Variants in SRP19 observed in about 807,000 individuals in gnomAD.
SRP19 encodes signal recognition particle 19 kDa protein.
In SRP19, 11 loss-of-function variants were observed where a neutral mutation model predicts 22.4. The ratio of observed to expected loss-of-function variants is 0.49; its 90% CI spans 0.31 to 0.81. SRP19 has a LOEUF of 0.81. SRP19 is among the 40% of genes least tolerant of loss of function. SRP19 has a pLI of 0.05. For missense variants in SRP19, 168 were observed against 175.9 expected, an observed-to-expected ratio of 0.96 and a Z score of 0.25; for synonymous variants, 61 against 57.6, an observed-to-expected ratio of 1.06 and a Z score of -0.27.
chr5:112,878,809 C>G, intron 4 of SRP19: 1 of 1,614,080 alleles, frequency 6.2e-7, no homozygotes, highest in Non-Finnish European at 8.5e-7. Flanking sequence ...TTTTCTTCAC[C>G]CAGTAAATTC....
chr5:112,879,150 C>G (rs540643946), intron 4 of SRP19, among the ~76,000 whole-genome samples: 1 of 152,206 alleles, frequency 6.6e-6, no homozygotes, highest in African/African-American at 2.4e-5. Context: ...GCAGAGATTC[C>G]TTAAGAGTAG....
At chr5:112,876,998 C>G (rs1245843273) in intron 4 of SRP19, 1 of 152,008 alleles carries the variant, frequency 6.6e-6, no homozygotes, top group Non-Finnish European at 1.5e-5. Flanking sequence ...GATTTTCATT[C>G]TGCCACCAAG....
chr5:112,890,524 C>T (rs1265964090), intron 4 of SRP19, among the ~76,000 whole-genome samples: 7 of 150,058 alleles, frequency 4.7e-5, no homozygotes, highest in Non-Finnish European at 8.8e-5. Flanking sequence ...CATGCAGGCA[C>T]GCACCATCAC....
chr5:112,897,160 TATC>T (rs1352903398), downstream of SRP19: 6 of 152,268 alleles, frequency 3.9e-5, no homozygotes, highest in East Asian at 1.2e-3. Flanking sequence ...CAGAATTATA[TATC>T]ATATGTGATC....
At chr5:112,874,811 G>A (rs1037062966) in intron 4 of SRP19, among the ~76,000 whole-genome samples, 1 of 144,590 alleles carries the variant, frequency 6.9e-6, no homozygotes, top group South Asian at 2.2e-4. Context: ...AGTTTCGCTC[G>A]TCTCCCAGGC....
downstream of SRP19, among the ~76,000 whole-genome samples, chr5:112,871,349 C>T (rs1449865194): frequency 1.3e-5 from 2 of 148,570 alleles, no homozygotes; most frequent in Non-Finnish European, 3.0e-5. Context: ...CTCTTTTTCA[C>T]CCAGGCTAAA....
At chr5:112,872,550 A>G, downstream of SRP19, among the ~76,000 whole-genome samples, 1 of 152,116 alleles carries the variant, frequency 6.6e-6, no homozygotes, top group East Asian at 1.9e-4. Flanking sequence ...GCTGGTCTCC[A>G]ACTCCTGGCC....
chr5:112,883,906 T>TAA (rs1338975787), intron 4 of SRP19, among the ~76,000 whole-genome samples: 1 of 152,132 alleles, frequency 6.6e-6, no homozygotes, highest in African/African-American at 2.4e-5. Flanking sequence ...CTCTGACCCA[T>TAA]GCCCAATCCA....
Position 112,867,458 on chromosome 5 carries a change from C to T in SRP19, c.356C>T (p.Thr119Ile), listed in dbSNP as rs1326724048. 1 of 1,613,274 alleles carries T rather than the reference C, an allele frequency of 6.2e-7. No homozygotes were observed. The highest frequency in any genetic ancestry group is 1.3e-5 in the African/African-American group (1 of 74,806). The change falls in exon 5 of 5, where the codon ACA (threonine) becomes ATA (isoleucine). Residue 119 changes from threonine (T) to isoleucine (I), a missense_variant. Coordinates refer to ENST00000505459, the MANE Select transcript of SRP19 (RefSeq NM_003135.3). ...AEMIPKLKTR[T>I]QKTGGADQSL... ...ATGATACCTAAACTAAAAACAAGGA[C>T]ACAAAAAACAGGAGGTGCTGACCAA...
intron 4 of SRP19, among the ~76,000 whole-genome samples, chr5:112,875,408 G>C (rs1218671500): frequency 6.7e-6 from 1 of 149,676 alleles, no homozygotes; most frequent in Non-Finnish European, 1.5e-5. Context: ...TGGCCCTGTC[G>C]CCCAGGCTGG....
At position 112,861,304 on chromosome 5, in the gene SRP19, C is replaced by T. The variant is rs1279392870; in HGVS notation, c.-73C>T. Reference sequence around the variant, plus strand: ...GGAAAAGCGGGCTGTCTCGGAAACTCAGAGCCGGGTTCCTCCCGGGTTTCT... The same window carrying T: ...GGAAAAGCGGGCTGTCTCGGAAACTTAGAGCCGGGTTCCTCCCGGGTTTCT... On this transcript the variant is annotated 5_prime_UTR_variant, in exon 1 of 5. Coordinates refer to ENST00000505459, the MANE Select transcript of SRP19 (RefSeq NM_003135.3). 1 of 1,579,496 alleles carries T rather than the reference C, an allele frequency of 6.3e-7. No homozygotes were observed. The highest frequency in any genetic ancestry group is 1.4e-5 in the African/African-American group (1 of 74,026).
At chr5:112,892,597 T>C (rs1768513191) in exon 5 of SRP19, 2 of 1,614,200 alleles carry the variant, frequency 1.2e-6, no homozygotes, top group Non-Finnish European at 8.5e-7. Context: ...TTGTGGTTTA[T>C]TTGAAATACA....
downstream of SRP19, chr5:112,894,115 G>GTTT (rs1365099008): frequency 1.7e-5 from 2 of 117,898 alleles, no homozygotes; most frequent in Admixed American, 7.8e-5. Flanking sequence ...TGTTTTTTTG[G>GTTT]TTTTTTTTGT....
rs1032465696 is a variant in SRP19, at chr5:112,862,408, T to C, written c.42-100T>C. 13 of 955,644 alleles carry C rather than the reference T, an allele frequency of 1.4e-5. No homozygotes were observed. In the Admixed American group the frequency reaches 1.9e-4, roughly 14 times the overall value. 59.2% of individuals were successfully genotyped at this position (955,644 alleles called of 1,614,324 possible). ...TTGAAAAGGGAGTACCCATCTGATA[T>C]CTAGGCAGCATGAATTGGCCTTTGG... On this transcript the variant is annotated intron_variant, in intron 1 of 4. Coordinates refer to ENST00000505459, the MANE Select transcript of SRP19 (RefSeq NM_003135.3).
At chr5:112,878,626 T>C in intron 4 of SRP19, 1 of 1,079,700 alleles carries the variant, frequency 9.3e-7, no homozygotes, top group Non-Finnish European at 1.3e-6. Flanking sequence ...ATATAGACAG[T>C]AAAAGTAAGC....
chr5:112,891,704 A>G (rs1211590843), exon 5 of SRP19: 1 of 1,614,154 alleles, frequency 6.2e-7, no homozygotes, highest in Admixed American at 1.7e-5. Flanking sequence ...CCAAGCCACA[A>G]AAAGTACAGG....
chr5:112,875,072 G>A (rs895271824), intron 4 of SRP19, among the ~76,000 whole-genome samples: 1 of 152,182 alleles, frequency 6.6e-6, no homozygotes, highest in East Asian at 1.9e-4. Flanking sequence ...CACCGTGCCC[G>A]GCCCACACCA....
intron 4 of SRP19, among the ~76,000 whole-genome samples, chr5:112,889,575 ATATT>A (rs1178321311): frequency 6.6e-6 from 1 of 150,680 alleles, no homozygotes; most frequent in Admixed American, 6.6e-5. Context: ...TTATAATTAT[ATATT>A]TATATATAGC....
At chr5:112,866,585 C>T (rs1304259207) in intron 4 of SRP19, among the ~76,000 whole-genome samples, 7 of 152,180 alleles carry the variant, frequency 4.6e-5, no homozygotes, top group African/African-American at 1.7e-4. Flanking sequence ...CTGCCTCAGC[C>T]TCCCAAAGAG....
Sources: gnomAD v4.1 joint callset for allele counts (sites outside exome capture counted in the v4.1 genomes callset) on GRCh38, gnomAD v4.1.1 for gene constraint, MANE v1.5 for transcripts, NCBI Gene and HGNC (gene_info 2026-07-23, HGNC 2026-07-21) for gene names.